The following ABHD17A variants were observed in gnomAD, a reference collection of about 807,000 sequenced individuals.
ABHD17A encodes the protein abhydrolase domain containing 17A, depalmitoylase.
ABHD17A carries 10 observed loss-of-function variants against 26.8 expected under a neutral mutation model. The observed-to-expected ratio is 0.37, with a 90% CI of 0.23 to 0.63. ABHD17A has a LOEUF of 0.63. Ranked by LOEUF, ABHD17A falls within the 30% of genes least tolerant of loss-of-function variation. ABHD17A has a pLI of 0.61. For synonymous variants in ABHD17A, 167 were observed against 210.9 expected (o/e 0.79, Z 1.80); for missense variants, 292 against 457.3 (o/e 0.64, Z 3.30).
Position 1,877,036 on chromosome 19 carries a change from G to C in ABHD17A, c.*164C>G. On this transcript the variant is annotated 3_prime_UTR_variant, in exon 5 of 5. Transcript: ENST00000292577. ...TTTTCTTCTTGCTTCCAAAAGGAAA[G>C]GAGTGCGTAGCTCTGTTGCCTGTAC... 1.7e-6 allele frequency: 1 copy of C among 588,888 alleles called. No homozygotes were observed. The allele number at this position is 588,888 out of a possible 1,614,324, so 36.5% of individuals were successfully genotyped here.
At position 1,881,344 on chromosome 19, in the gene ABHD17A, C is replaced by T. The variant is rs779708733; in HGVS notation, c.223G>A (p.Asp75Asn). 5 of 1,609,812 alleles carry T rather than the reference C, an allele frequency of 3.1e-6. No homozygotes were observed. The highest frequency in any genetic ancestry group is 4.2e-6 in the Non-Finnish European group (5 of 1,179,650). The stretch of plus-strand genomic sequence containing the variant: ...AGCTCGCGCTGGCTGTACTGGAAGT[C>T]GGCACGCTCCGTCAGGTGCAGCTTC... Reference protein sequence around the residue: ...RWKLHLTERADFQYSQRELDT... With the variant: ...RWKLHLTERANFQYSQRELDT... The change falls in exon 2 of 5, where the codon GAC becomes AAC. Residue 75 changes from aspartate to asparagine, a missense_variant. Asp to Asn is a conservative substitution (Grantham distance 23). Coordinates refer to ENST00000292577, the MANE Select transcript of ABHD17A (RefSeq NM_001130111.2).
In ABHD17A at chr19:1,881,614, C is replaced by T. The variant is rs761504404; in HGVS notation, c.-48G>A. 29 of 1,475,888 alleles carry T rather than the reference C, an allele frequency of 2.0e-5. No individual in the cohort carries two copies. Among genetic ancestry groups the T allele is most frequent in the African/African-American group, 5.8e-5 (4 of 68,762 alleles). The allele number at this position is 1,475,888 out of a possible 1,614,324, so 91.4% of individuals were successfully genotyped here. ...CCTCCACCGGGGCCCCCGCCAACAACGCCGCCCGGCCTGGCCCGGCAGGGG... is the reference window on the plus strand; with the variant it reads ...CCTCCACCGGGGCCCCCGCCAACAATGCCGCCCGGCCTGGCCCGGCAGGGG... On this transcript the variant is annotated 5_prime_UTR_variant, in exon 2 of 5. Coordinates refer to ENST00000292577, the MANE Select transcript of ABHD17A (RefSeq NM_001130111.2).
chr19:1,881,962 G>A (rs1441619036), intron 1 of ABHD17A, 158 bp from the exon 2 acceptor site: 1 of 205,986 alleles, frequency 4.9e-6, no homozygotes, highest in Non-Finnish European at 9.6e-6. Context: ...GTCAGGCACT[G>A]CACCCTACAG....
Position 1,880,550 on chromosome 19 carries a change from G to A in ABHD17A, c.333-435C>T, listed in dbSNP as rs1380728748. On this transcript the variant is annotated intron_variant, in intron 2 of 4. Coordinates refer to ENST00000292577, the MANE Select transcript of ABHD17A (RefSeq NM_001130111.2). The surrounding 1 kb of genome is among the most constrained non-coding windows in gnomAD (Gnocchi z 4.1). ...GCCCACCTTTCAGGACCTTCCCAGGGGAGCCCATGCTGCTGCTGGCAGGGC... is the reference window on the plus strand; with the variant it reads ...GCCCACCTTTCAGGACCTTCCCAGGAGAGCCCATGCTGCTGCTGGCAGGGC... Among the ~76,000 whole-genome samples, 2 of 152,222 alleles carry A rather than the reference G, an allele frequency of 1.3e-5. No homozygotes were observed. The highest frequency in any genetic ancestry group is 2.9e-5 in the Non-Finnish European group (2 of 68,028).
chr19:1,878,907 GC>G (rs1293702371), intron 3 of ABHD17A: 1 of 152,310 alleles, frequency 6.6e-6, no homozygotes, highest in African/African-American at 2.4e-5. Context: ...CTAGGTTCCT[GC>G]AGGACAAAGT....
At position 1,881,703 on chromosome 19, in the gene ABHD17A, C is replaced by T. The variant is rs1234360303; in HGVS notation, c.-137G>A. 5.4e-6 allele frequency: 7 copies of T among 1,296,222 alleles called. No individual in the cohort carries two copies. The highest frequency in any genetic ancestry group is 1.6e-5 in the African/African-American group (1 of 63,518). 80.3% of individuals were successfully genotyped at this position (1,296,222 alleles called of 1,614,324 possible). The stretch of plus-strand genomic sequence containing the variant: ...GCGCCCCCCCAGCTACCGCCCCAGA[C>T]AGCAGCCCCGTTAGGAGGCCAGGGC... On this transcript the variant is annotated 5_prime_UTR_variant, in exon 2 of 5. Transcript: ENST00000292577.
chr19:1,883,384 G>A (rs956255521), intron 1 of ABHD17A: 4 of 152,418 alleles, frequency 2.6e-5, no homozygotes, highest in African/African-American at 7.2e-5. Flanking sequence ...CCACAGCGTC[G>A]AGGTTGATGT....
At position 1,879,428 on chromosome 19, in the gene ABHD17A, C is replaced by T; in HGVS notation, c.527+493G>A. ...GGCTGGCCCAGACCTCGGATGTGTG[C>T]TGCGGGTCTGCACCTTACCCTGTAG... On this transcript the variant is annotated intron_variant, in intron 3 of 4. Coordinates refer to ENST00000292577, the MANE Select transcript of ABHD17A (RefSeq NM_001130111.2). The surrounding 1 kb of genome is among the most constrained non-coding windows in gnomAD (Gnocchi z 7.6). 1 of 194,004 alleles carries T rather than the reference C, an allele frequency of 5.2e-6. No homozygotes were observed. Among genetic ancestry groups the T allele is most frequent in the South Asian group, 8.5e-5 (1 of 11,714 alleles). 12.0% of individuals were successfully genotyped at this position (194,004 alleles called of 1,614,324 possible). A position where few individuals can be genotyped will look rare whatever the true frequency, so the allele number is the denominator to read the frequency against.
chr19:1,880,958 C>G lies in ABHD17A; in HGVS notation c.332+277G>C, dbSNP rs1277648043. On this transcript the variant is annotated intron_variant, in intron 2 of 4. Transcript: ENST00000292577. This position sits in a 1 kb window ranked among gnomAD's most constrained non-coding sequence, Gnocchi z 4.1. ...CCCCTGTGCCCCAGCTCTTGCCCAG[C>G]AGGCAACCACCAGGCGCTGGGTTGT... 2.5e-6 allele frequency: 4 copies of G among 1,612,576 alleles called. No homozygotes were observed. Among genetic ancestry groups the G allele is most frequent in the East Asian group, 2.2e-5 (1 of 44,894 alleles).
Position 1,881,384 on chromosome 19 carries a change from G to A in ABHD17A, c.183C>T (p.Gly61=), listed in dbSNP as rs769877762. The A allele has an allele frequency of 5.6e-6, 9 of 1,605,516 alleles. No individual in the cohort carries two copies. The highest frequency in any genetic ancestry group is 2.2e-5 in the East Asian group (1 of 44,854). Residue 61 remains glycine (G), a synonymous_variant, in exon 2 of 5, where the codon GGC becomes GGT. Transcript: ENST00000292577. The part of the protein sequence containing the change: ...APLGTLRASS[G]APGRWKLHLT... Reference sequence around the variant, plus strand: ...GGTGCAGCTTCCAGCGCCCGGGTGCGCCCGAGGAGGCTCTCAGGGTCCCCA... The same window carrying A: ...GGTGCAGCTTCCAGCGCCCGGGTGCACCCGAGGAGGCTCTCAGGGTCCCCA...
chr19:1,885,106 G>A (rs1409578190), intron 1 of ABHD17A, among the ~76,000 whole-genome samples: 3 of 152,236 alleles, frequency 2.0e-5, no homozygotes, highest in Non-Finnish European at 4.4e-5. Context: ...CGAAGGCAAG[G>A]GCCGCGTCCG....
Position 1,877,146 on chromosome 19 carries a change from G to C in ABHD17A, c.*54C>G. On this transcript the variant is annotated 3_prime_UTR_variant, in exon 5 of 5. Transcript: ENST00000292577. ...CAGCCCCTGGGTGGGGGCCGGCGCG[G>C]GGTGAGGTCCGGGGGCCGCCTTATT... The C allele has an allele frequency of 6.9e-7, 1 of 1,455,432 alleles. No homozygotes were observed. The highest frequency in any genetic ancestry group is 9.3e-7 in the Non-Finnish European group (1 of 1,079,682). 90.2% of individuals were successfully genotyped at this position (1,455,432 alleles called of 1,614,324 possible). A position where few individuals can be genotyped will look rare whatever the true frequency, so the allele number is the denominator to read the frequency against.
chr19:1,885,160 G>A (rs2012644761), intron 1 of ABHD17A, among the ~76,000 whole-genome samples, 192 bp downstream of exon 1: 1 of 152,196 alleles, frequency 6.6e-6, no homozygotes, highest in Admixed American at 6.5e-5. Flanking sequence ...CTGAATGGAT[G>A]GGGACAGGGC....
rs1471020331 is a variant in ABHD17A at position 1,879,128 on chromosome 19, A to G, written c.527+793T>C. The G allele has an allele frequency of 2.0e-5, 3 of 152,396 alleles. No homozygotes were observed. The highest frequency in any genetic ancestry group is 6.8e-3 in the Middle Eastern group (2 of 294). The allele number at this position is 152,396 out of a possible 1,614,324, so 9.4% of individuals were successfully genotyped here. On this transcript the variant is annotated intron_variant, in intron 3 of 4. Coordinates refer to ENST00000292577, the MANE Select transcript of ABHD17A (RefSeq NM_001130111.2). The surrounding 1 kb of genome is among the most constrained non-coding windows in gnomAD (Gnocchi z 7.6). The stretch of plus-strand genomic sequence containing the variant: ...CAGGCCCACTGCAGGGACTGCCTGC[A>G]TATCACCAAGGCAACGACGACCCCA...
chr19:1,880,584 C>T lies in ABHD17A; in HGVS notation c.333-469G>A. Among the ~76,000 whole-genome samples the T allele has an allele frequency of 6.6e-6, 1 of 152,338 alleles. No homozygotes were observed. Among genetic ancestry groups the T allele is most frequent in the African/African-American group, 2.4e-5 (1 of 41,568 alleles). On this transcript the variant is annotated intron_variant, in intron 2 of 4. Transcript: ENST00000292577. This position sits in a 1 kb window ranked among gnomAD's most constrained non-coding sequence, Gnocchi z 4.1. ...GCTGCTGCTGGCAGGGCTATCTCCC[C>T]TCACCTCACAGAATGGTGCCCTCAC...
chr19:1,882,529 G>A (rs1346856341), intron 1 of ABHD17A: 2 of 152,156 alleles, frequency 1.3e-5, no homozygotes, highest in Non-Finnish European at 2.9e-5. Flanking sequence ...CCGTGGGCGA[G>A]TCCCTTGCCC....
At position 1,880,960 on chromosome 19, in the gene ABHD17A, G is replaced by C. The variant is rs1338446520; in HGVS notation, c.332+275C>G. 1 of 1,612,708 alleles carries C rather than the reference G, an allele frequency of 6.2e-7. No individual in the cohort carries two copies. ...CCTGTGCCCCAGCTCTTGCCCAGCA[G>C]GCAACCACCAGGCGCTGGGTTGTTG... On this transcript the variant is annotated intron_variant, in intron 2 of 4. Coordinates refer to ENST00000292577, the MANE Select transcript of ABHD17A (RefSeq NM_001130111.2). The surrounding 1 kb of genome is among the most constrained non-coding windows in gnomAD (Gnocchi z 4.1).
chr19:1,880,840 G>T lies in ABHD17A; in HGVS notation c.332+395C>A. 1.2e-6 allele frequency: 2 copies of T among 1,604,778 alleles called. No individual in the cohort carries two copies. Among genetic ancestry groups the T allele is most frequent in the South Asian group, 2.2e-5 (2 of 90,336 alleles). On this transcript the variant is annotated intron_variant, in intron 2 of 4. Coordinates refer to ENST00000292577, the MANE Select transcript of ABHD17A (RefSeq NM_001130111.2). This position sits in a 1 kb window ranked among gnomAD's most constrained non-coding sequence, Gnocchi z 4.1. ...TCCAGTTCCCCCAGGCCCCCACCTA[G>T]CCCAGCCAGAAGGTAAAGGCTCGCC... is the stretch of plus-strand genomic sequence containing the variant.
intron 1 of ABHD17A, among the ~76,000 whole-genome samples, chr19:1,884,547 C>T (rs2012622480): frequency 6.6e-6 from 1 of 152,140 alleles, no homozygotes; most frequent in African/African-American, 2.4e-5. Context: ...AGATGACCTA[C>T]ATATGGGAGA....
Sources: gnomAD v4.1 joint callset for allele counts (sites outside exome capture counted in the v4.1 genomes callset) on GRCh38, gnomAD v4.1.1 for gene constraint, Gnocchi (gnomAD v3.1) non-coding constraint, MANE v1.5 for transcripts, NCBI Gene and HGNC (gene_info 2026-07-23, HGNC 2026-07-21) for gene names.